MED14: variants seen among roughly 807,000 people sequenced by gnomAD.
MED14 encodes mediator of RNA polymerase II transcription subunit 14.
Under a neutral mutation model 109.0 loss-of-function variants are expected in MED14, and 8 were observed. The observed-to-expected ratio is 0.07, with a 90% confidence interval of 0.04 to 0.13. The LOEUF (loss-of-function observed/expected upper bound fraction) is 0.13, where lower values mean the gene tolerates loss of function less well. Ranked by LOEUF, MED14 falls within the 10% of genes least tolerant of loss-of-function variation. The pLI, the probability that MED14 is intolerant of heterozygous loss-of-function variation, is 1.00. For synonymous variants in MED14, 399 were observed against 408.7 expected, an observed-to-expected ratio of 0.98 and a Z score of 0.29; for missense variants, 711 against 1,142.4, an observed-to-expected ratio of 0.62 and a Z score of 5.44.
At chrX:40,680,215 A>C in intron 20 of MED14, 82 bp from the exon 21 acceptor site, 1 of 1,001,049 alleles carries the variant, frequency 1.0e-6, no homozygotes, top group Non-Finnish European at 1.4e-6. Context: ...TAACTGTCAA[A>C]AATGAAACAA....
At chrX:40,695,865 C>A (rs896458718) in intron 13 of MED14, among the ~76,000 whole-genome samples, 1 of 112,095 alleles carries the variant, frequency 8.9e-6, no homozygotes, top group African/African-American at 3.2e-5. Flanking sequence ...AAAATAGTAT[C>A]TTTTAAAAGT....
intron 30 of MED14, among the ~76,000 whole-genome samples, chrX:40,652,340 T>C (rs1295899508): frequency 4.5e-5 from 5 of 112,331 alleles, no homozygotes; most frequent in Admixed American, 1.9e-4. Context: ...ATAGAACTTT[T>C]TGTGATGATG....
intron 15 of MED14, among the ~76,000 whole-genome samples, chrX:40,691,753 AG>A (rs1930518852): frequency 9.2e-6 from 1 of 108,195 alleles, no homozygotes; most frequent in Non-Finnish European, 1.9e-5. Flanking sequence ...CTGGGATTAC[AG>A]GCGTGTGCCA....
intron 13 of MED14, among the ~76,000 whole-genome samples, chrX:40,695,841 A>G: frequency 8.9e-6 from 1 of 112,435 alleles, no homozygotes; most frequent in Middle Eastern, 4.6e-3. Context: ...GTCAGCCTAC[A>G]ATGGTGTCCT....
chrX:40,720,908 G>A (rs1602492086), intron 3 of MED14, among the ~76,000 whole-genome samples: 1 of 110,278 alleles, frequency 9.1e-6, no homozygotes, highest in East Asian at 2.9e-4. Flanking sequence ...AAGGGAACCT[G>A]CTGCCTTGAA....
intron 1 of MED14, 124 bp from the exon 2 acceptor site, chrX:40,729,469 C>A (rs1569300153): frequency 1.6e-6 from 1 of 617,993 alleles, no homozygotes; most frequent in East Asian, 3.6e-5. Flanking sequence ...ACAGCTACTA[C>A]AGGCTCATGT....
chrX:40,651,223 G>T lies in MED14; in HGVS notation c.*583C>A. 1 of 751,005 alleles carries T rather than the reference G, an allele frequency of 1.3e-6. No homozygotes were observed. The allele number at this position is 751,005 out of a possible 1,213,427, so 61.9% of individuals were successfully genotyped here. ...CCACCAGGTTAAAGATGAAGGGAGG[G>T]CCTAAGATGTCTCTAGAGTTTATAT... is the stretch of plus-strand genomic sequence containing the variant. On this transcript the variant is annotated 3_prime_UTR_variant, in exon 31 of 31. Coordinates refer to ENST00000324817, the MANE Select transcript of MED14 (RefSeq NM_004229.4).
intron 13 of MED14, among the ~76,000 whole-genome samples, chrX:40,693,877 C>G (rs189832472): frequency 1.8e-4 from 20 of 111,134 alleles, no homozygotes; most frequent in African/African-American, 6.5e-4. Context: ...CATATTTAAT[C>G]TTCCTAATAA....
intron 15 of MED14, among the ~76,000 whole-genome samples, chrX:40,691,607 C>CTTTTTTTTTTTTT (rs36144185): frequency 1.5e-4 from 9 of 59,453 alleles, no homozygotes; most frequent in Admixed American, 2.6e-4. Context: ...TTCTTTTAAT[C>CTTTTTTTTTTTTT]TTTTTTTTTT....
At chrX:40,687,691 C>CA (rs1930344774) in intron 16 of MED14, among the ~76,000 whole-genome samples, 1 of 111,410 alleles carries the variant, frequency 9.0e-6, no homozygotes, top group Admixed American at 9.6e-5. Context: ...TAGGACCTCC[C>CA]ACTGCCTCTG....
Position 40,711,321 on chromosome X carries a change from A to T in MED14, c.890-20T>A. 8.6e-7 allele frequency: 1 copy of T among 1,161,504 alleles called. No homozygotes were observed. Among genetic ancestry groups the T allele is most frequent in the Non-Finnish European group, 1.2e-6 (1 of 854,065 alleles). On this transcript the variant is annotated intron_variant, in intron 7 of 30. Coordinates refer to ENST00000324817, the MANE Select transcript of MED14 (RefSeq NM_004229.4). ...AAGAATCTGATAGATGTTGTTAAGT[A>T]AAATTAATACATTACACCAACAGTC...
chrX:40,666,627 CAAGTATTAATTTTGCAAT>C, intron 24 of MED14, 75 bp downstream of exon 24: 1 of 951,437 alleles, frequency 1.1e-6, no homozygotes, highest in Non-Finnish European at 1.5e-6. Context: ...CCTCAATAAA[CAAGTATTAATTTTGCAAT>C]GAAAAAATTT....
intron 26 of MED14, among the ~76,000 whole-genome samples, chrX:40,661,458 C>T (rs895187062): frequency 3.5e-4 from 39 of 110,577 alleles, no homozygotes; most frequent in African/African-American, 1.3e-3. Flanking sequence ...GTGATCCGCC[C>T]GCCTCAGTCT....
rs1931386114 is a variant in MED14 at position 40,712,965 on chromosome X, G to A, written c.730C>T (p.Pro244Ser). The change falls in exon 6 of 31, where the codon CCA (proline) becomes TCA (serine). Residue 244 changes from proline (P) to serine (S), a missense_variant. Around this residue, in one of 8 missense-constraint regions of MED14, gnomAD observed 388 missense variants for 517.3 expected, o/e 0.75. Coordinates refer to ENST00000324817, the MANE Select transcript of MED14 (RefSeq NM_004229.4). ...LTVMGDDPDVPWRLLKLEILV... is the reference protein window; with the variant it reads ...LTVMGDDPDVSWRLLKLEILV... ...ATTTCTAGCTTGAGAAGACGCCATG[G>A]AACATCAGGGTCATCTCCCATCACA... The A allele has an allele frequency of 8.4e-7, 1 of 1,189,165 alleles. No homozygotes were observed. Among genetic ancestry groups the A allele is most frequent in the African/African-American group, 1.8e-5 (1 of 56,983 alleles).
In MED14 at chrX:40,712,975, G is replaced by A; in HGVS notation, c.720C>T (p.Asp240=). 1.7e-6 allele frequency: 2 copies of A among 1,191,665 alleles called. No individual in the cohort carries two copies. Among genetic ancestry groups the A allele is most frequent in the Non-Finnish European group, 2.3e-6 (2 of 881,824 alleles). The part of the protein sequence containing the change: ...FEATLTVMGD[D]PDVPWRLLKL... ...TGAGAAGACGCCATGGAACATCAGG[G>A]TCATCTCCCATCACAGTCAAGGTGG... is the stretch of plus-strand genomic sequence containing the variant. Residue 240 remains aspartate (D), a synonymous_variant, in exon 6 of 31, where the codon GAC becomes GAT. Transcript: ENST00000324817.
chrX:40,665,904 G>C (rs750464298), intron 24 of MED14, among the ~76,000 whole-genome samples: 1 of 112,503 alleles, frequency 8.9e-6, no homozygotes, highest in East Asian at 2.8e-4. Context: ...AACAATAGGA[G>C]AGCAGTTAAG....
At chrX:40,735,967 C>T, upstream of MED14, 1 of 238,470 alleles carries the variant, frequency 4.2e-6, no homozygotes, top group South Asian at 3.8e-5. Flanking sequence ...CGCCCTTACC[C>T]TCGCCGCTCT....
rs1312652373 is a variant in MED14, at chrX:40,680,041, G to A, written c.2703C>T (p.Tyr901=). 11 of 1,208,519 alleles carry A rather than the reference G, an allele frequency of 9.1e-6. No individual in the cohort carries two copies. In the East Asian group the frequency reaches 3.3e-4, roughly 36 times the overall value. The stretch of plus-strand genomic sequence containing the variant: ...ACTGTGGCAGAATGGAGAAGCACTG[G>A]TAGGCAGTATTGGTTCTCTGGGTCA... The part of the protein sequence containing the change: ...LGLTQRTNTA[Y]QCFSILPQSS... Residue 901 remains tyrosine (Y), a synonymous_variant, in exon 21 of 31, where the codon TAC becomes TAT. Coordinates refer to ENST00000324817, the MANE Select transcript of MED14 (RefSeq NM_004229.4).
chrX:40,713,157 T>C, intron 5 of MED14, 115 bp from the exon 6 acceptor site: 1 of 743,864 alleles, frequency 1.3e-6, no homozygotes, highest in South Asian at 4.3e-5. Context: ...AGATTGAAGG[T>C]TCTTTCATAA....
Sources: allele counts gnomAD v4.1 joint callset (sites outside exome capture counted in the v4.1 genomes callset), GRCh38; gene constraint gnomAD v4.1.1; regional missense constraint gnomAD v4.1.1; transcripts MANE v1.5; gene names NCBI Gene and HGNC (gene_info 2026-07-23, HGNC 2026-07-21).